DIS3L2: variants seen among roughly 807,000 people sequenced by gnomAD.
DIS3L2 encodes DIS3-like exonuclease 2.
DIS3L2 carries 34 observed loss-of-function variants against 97.5 expected under a neutral mutation model. The observed-to-expected ratio is 0.35, with a 90% confidence interval of 0.27 to 0.46. The LOEUF is 0.46. DIS3L2 is among the 20% of genes least tolerant of loss of function. The probability of loss-of-function intolerance (pLI) is 1.00; values close to 1 mark genes in which losing one functional copy is unlikely to be tolerated. For missense variants in DIS3L2, 1,038 were observed against 1,146.0 expected (o/e 0.91, Z 1.36); for synonymous variants, 435 against 445.2 (o/e 0.98, Z 0.29).
rs199535278 is a variant in DIS3L2 at position 232,183,073 on chromosome 2, TA to T, written c.1124+19446del. Among the ~76,000 whole-genome samples the T allele has an allele frequency of 4.7e-3, 721 of 152,248 alleles. 3 individuals carry two copies. Among genetic ancestry groups the T allele is most frequent in the Non-Finnish European group, 7.5e-3 (509 of 68,014 alleles). ...CTCATGAACGGGATTAGTGCCCTTA[TA>T]AAAAGAAGCATGAGAAAGAAACCTC... is the stretch of plus-strand genomic sequence containing the variant. On this transcript the variant is annotated intron_variant, in intron 9 of 20. Coordinates refer to ENST00000325385, the MANE Select transcript of DIS3L2 (RefSeq NM_152383.5).
At chr2:232,243,044 C>T (rs916350293) in intron 11 of DIS3L2, among the ~76,000 whole-genome samples, 3 of 152,162 alleles carry the variant, frequency 2.0e-5, no homozygotes, top group East Asian at 1.9e-4. Flanking sequence ...AGGCTACCTT[C>T]AGGTACAGAA....
chr2:232,069,181 G>C (rs1236145091), intron 5 of DIS3L2, among the ~76,000 whole-genome samples: 4 of 152,110 alleles, frequency 2.6e-5, no homozygotes, highest in African/African-American at 9.7e-5. Context: ...TCTGAGGTAA[G>C]GGACTGCAGC....
intron 7 of DIS3L2, among the ~76,000 whole-genome samples, chr2:232,132,869 G>A (rs1157664674): frequency 1.3e-5 from 2 of 152,102 alleles, no homozygotes; most frequent in Non-Finnish European, 2.9e-5. Flanking sequence ...CTACCCAGAG[G>A]CACTGAACAT....
intron 10 of DIS3L2, among the ~76,000 whole-genome samples, chr2:232,232,869 C>G (rs988081863): frequency 1.3e-5 from 2 of 152,074 alleles, no homozygotes; most frequent in African/African-American, 2.4e-5. Context: ...GAGAAGGCAG[C>G]CTGGGGCAGA....
At chr2:232,068,596 A>G (rs1049135877) in intron 5 of DIS3L2, among the ~76,000 whole-genome samples, 1 of 151,522 alleles carries the variant, frequency 6.6e-6, no homozygotes. Context: ...AAAAAAAGTT[A>G]TATGTATATA....
chr2:232,019,851 G>A (rs1369736933), intron 3 of DIS3L2, among the ~76,000 whole-genome samples: 3 of 151,904 alleles, frequency 2.0e-5, no homozygotes, highest in Non-Finnish European at 4.4e-5. Context: ...AAAAAGAGAA[G>A]AAATTATAGA....
chr2:232,216,485 T>C (rs1692337146), intron 10 of DIS3L2, among the ~76,000 whole-genome samples: 1 of 152,194 alleles, frequency 6.6e-6, no homozygotes, highest in Non-Finnish European at 1.5e-5. Flanking sequence ...CAAAGCCACA[T>C]GGCTGACCTC....
At chr2:232,161,058 C>T (rs906414510) in intron 8 of DIS3L2, among the ~76,000 whole-genome samples, 11 of 152,030 alleles carry the variant, frequency 7.2e-5, no homozygotes, top group African/African-American at 2.4e-4. Context: ...GCTGGGACTG[C>T]GGGCATGCAC....
chr2:232,006,638 A>G (rs1694060222), intron 1 of DIS3L2, among the ~76,000 whole-genome samples: 1 of 147,942 alleles, frequency 6.8e-6, no homozygotes, highest in African/African-American at 2.4e-5. Flanking sequence ...AGAGCTGGAG[A>G]TGAAAATTTA....
intron 5 of DIS3L2, among the ~76,000 whole-genome samples, chr2:232,036,874 T>A (rs1363458945): frequency 3.9e-5 from 6 of 152,206 alleles, no homozygotes; most frequent in African/African-American, 1.4e-4. Flanking sequence ...CAAAGATTGC[T>A]GCCTCCTCCT....
chr2:232,263,648 A>G (rs372063321), intron 13 of DIS3L2, among the ~76,000 whole-genome samples: 4 of 152,276 alleles, frequency 2.6e-5, no homozygotes, highest in African/African-American at 7.2e-5. Flanking sequence ...TGTATTTTGT[A>G]TGATTCCACA....
At chr2:232,217,295 G>T (rs1239136322) in intron 10 of DIS3L2, among the ~76,000 whole-genome samples, 1 of 152,112 alleles carries the variant, frequency 6.6e-6, no homozygotes, top group Non-Finnish European at 1.5e-5. Flanking sequence ...TAGTCTGAGT[G>T]GGAAAAAACA....
rs1159868123 is a variant in DIS3L2, at chr2:232,336,508, G to C, written c.2536G>C (p.Ala846Pro). Residue 846 changes from alanine (A) to proline (P), a missense_variant, in exon 21 of 21, where the codon GCA (alanine) becomes CCA (proline). Transcript: ENST00000325385. ...IFSLVEVVLQ[A>P]ESTALKYSAI... ...CAGCCTGGTGGAGGTGGTCCTGCAG[G>C]CAGAGTCCACAGCCCTCAAGTACAG... is the stretch of plus-strand genomic sequence containing the variant. The C allele has an allele frequency of 6.2e-7, 1 of 1,611,296 alleles. No individual in the cohort carries two copies. The highest frequency in any genetic ancestry group is 8.5e-7 in the Non-Finnish European group (1 of 1,179,848).
At chr2:232,213,149 G>A (rs564286221) in intron 10 of DIS3L2, among the ~76,000 whole-genome samples, 11 of 152,256 alleles carry the variant, frequency 7.2e-5, no homozygotes, top group Non-Finnish European at 1.3e-4. Context: ...GATTTCATTC[G>A]AATGATGGGA....
rs1056646655 is a variant in DIS3L2, at chr2:232,293,488, C to T, written c.1660-6552C>T. 1.3e-5 allele frequency among the ~76,000 whole-genome samples: 2 copies of T among 152,100 alleles called. No individual in the cohort carries two copies. The highest frequency in any genetic ancestry group is 4.8e-5 in the African/African-American group (2 of 41,398). On this transcript the variant is annotated intron_variant, in intron 13 of 20. Coordinates refer to ENST00000325385, the MANE Select transcript of DIS3L2 (RefSeq NM_152383.5). This position sits in a 1 kb window ranked among gnomAD's most constrained non-coding sequence, Gnocchi z 4.6. The stretch of plus-strand genomic sequence containing the variant: ...AGGAGGGACAGGCAGGAAGGGCTCC[C>T]CTGGAAGCAGGTGGAGCATGAGGAA...
At chr2:232,328,452 G>C (rs1295883912) in intron 14 of DIS3L2, 1 of 152,078 alleles carries the variant, frequency 6.6e-6, no homozygotes, top group African/African-American at 2.4e-5. Flanking sequence ...GTCTGCCCTG[G>C]CAGGCCCACC....
chr2:232,113,380 C>T (rs571339098), intron 6 of DIS3L2, among the ~76,000 whole-genome samples: 11 of 152,248 alleles, frequency 7.2e-5, no homozygotes, highest in South Asian at 6.2e-4. Context: ...TTCCCTTATG[C>T]GGTACTAAAA....
At position 232,051,104 on chromosome 2, in the gene DIS3L2, A is replaced by G. The variant is rs578059236; in HGVS notation, c.366+21024A>G. Among the ~76,000 whole-genome samples, 22 of 152,256 alleles carry G rather than the reference A, an allele frequency of 1.4e-4. No homozygotes were observed. In the South Asian group the frequency reaches 4.6e-3, roughly 32 times the overall value. ...CTGGTAAGGGCAGGGGTTTTGTCTT[A>G]TTTTATTTATATTCATGGTGTTAAG... On this transcript the variant is annotated intron_variant, in intron 5 of 20. Transcript: ENST00000325385.
At chr2:232,090,883 T>G (rs1696816467) in intron 6 of DIS3L2, among the ~76,000 whole-genome samples, 1 of 152,254 alleles carries the variant, frequency 6.6e-6, no homozygotes, top group Non-Finnish European at 1.5e-5. Context: ...AACTACCAGT[T>G]TCTCTGGTAA....
Sources: gnomAD v4.1 joint callset for allele counts (sites outside exome capture counted in the v4.1 genomes callset) on GRCh38, gnomAD v4.1.1 for gene constraint, Gnocchi (gnomAD v3.1) non-coding constraint, MANE v1.5 for transcripts, NCBI Gene and HGNC (gene_info 2026-07-23, HGNC 2026-07-21) for gene names.